TSPAN2: variants seen among roughly 807,000 people sequenced by gnomAD.
The protein encoded by TSPAN2 is tetraspanin 2, also known as tetraspanin-2.
A neutral mutation model predicts 33.3 loss-of-function variants in TSPAN2; 24 were observed. The observed-to-expected ratio is 0.72, with a 90% confidence interval of 0.52 to 1.01. TSPAN2 has a LOEUF of 1.01. Among genes scored for constraint, TSPAN2 ranks in the 50% least tolerant of loss-of-function variants. The probability of loss-of-function intolerance (pLI) is 0.00; values close to 1 mark genes in which losing one functional copy is unlikely to be tolerated. For synonymous variants in TSPAN2, 114 were observed against 104.5 expected (o/e 1.09, Z -0.56); for missense variants, 278 against 281.3 (o/e 0.99, Z 0.08).
intron 1 of TSPAN2, among the ~76,000 whole-genome samples, chr1:115,087,612 T>A: frequency 1.1e-5 from 1 of 90,196 alleles, no homozygotes; most frequent in African/African-American, 5.3e-5. Flanking sequence ...TGAGACTCCG[T>A]CTCAAAAAAA....
intron 6 of TSPAN2, among the ~76,000 whole-genome samples, chr1:115,056,717 G>A (rs768747519): frequency 8.5e-5 from 13 of 152,092 alleles, no homozygotes; most frequent in Admixed American, 1.3e-4. Flanking sequence ...TCACTGGACC[G>A]TATGGACTTC....
rs560201120 is a variant in TSPAN2 at position 115,087,512 on chromosome 1, C to T, written c.69+1852G>A. 2.7e-5 allele frequency among the ~76,000 whole-genome samples: 4 copies of T among 146,984 alleles called. No homozygotes were observed. The East Asian group carries it at 6.4e-4, about 24-fold the overall frequency. Reference sequence around the variant, plus strand: ...GTGCTTGTAGTCCCAGCTATTTGGGCGGCTGAGGCAGGAGAATGGCGTGCA... The same window carrying T: ...GTGCTTGTAGTCCCAGCTATTTGGGTGGCTGAGGCAGGAGAATGGCGTGCA... On this transcript the variant is annotated intron_variant, in intron 1 of 7. Coordinates refer to ENST00000369516, the MANE Select transcript of TSPAN2 (RefSeq NM_005725.6).
At position 115,073,526 on chromosome 1, in the gene TSPAN2, C is replaced by CACCTTGTG. The variant is rs1648274463; in HGVS notation, c.70-520_70-519insCACAAGGT. 8.6e-5 allele frequency among the ~76,000 whole-genome samples: 13 copies of CACCTTGTG among 151,470 alleles called. No homozygotes were observed. The South Asian group carries it at 2.7e-3, about 32-fold the overall frequency. ...CAACCTCAACCTCAGAACCCACCCA[C>CACCTTGTG]ACCTCGTGAGTGCACAGTCCCCAAA... On this transcript the variant is annotated intron_variant, in intron 1 of 7. Transcript: ENST00000369516.
intron 2 of TSPAN2, among the ~76,000 whole-genome samples, chr1:115,066,035 C>CA (rs1647938021): frequency 6.6e-6 from 1 of 152,178 alleles, no homozygotes; most frequent in African/African-American, 2.4e-5. Context: ...TCACTTAACA[C>CA]AATGGCCTCT....
At chr1:115,077,777 G>T (rs1049031442) in intron 1 of TSPAN2, among the ~76,000 whole-genome samples, 14 of 152,160 alleles carry the variant, frequency 9.2e-5, no homozygotes, top group Non-Finnish European at 1.5e-4. Context: ...AAAAAGACAG[G>T]TTTCACAAAT....
In TSPAN2 at chr1:115,048,633, T is replaced by C. The variant is rs1458389220; in HGVS notation, c.*1857A>G. ...TTCTGAGTTGGAAAGAACCCGAGTATGCACTTGGGCCTGTTTCCTGTCTTC... is the reference window on the plus strand; with the variant it reads ...TTCTGAGTTGGAAAGAACCCGAGTACGCACTTGGGCCTGTTTCCTGTCTTC... On this transcript the variant is annotated 3_prime_UTR_variant, in exon 8 of 8. Transcript: ENST00000369516. 1.3e-5 allele frequency: 2 copies of C among 152,094 alleles called. No homozygotes were observed. Among genetic ancestry groups the C allele is most frequent in the Admixed American group, 6.6e-5 (1 of 15,246 alleles). The allele number at this position is 152,094 out of a possible 1,614,324, so 9.4% of individuals were successfully genotyped here. A position where few individuals can be genotyped will look rare whatever the true frequency, so the allele number is the denominator to read the frequency against.
chr1:115,076,526 T>C (rs1648419216), intron 1 of TSPAN2, among the ~76,000 whole-genome samples: 1 of 152,160 alleles, frequency 6.6e-6, no homozygotes, highest in East Asian at 1.9e-4. Flanking sequence ...GGAGTGGACG[T>C]GGAGAGCTGT....
intron 1 of TSPAN2, among the ~76,000 whole-genome samples, chr1:115,076,543 T>A (rs973524261): frequency 6.6e-6 from 1 of 152,146 alleles, no homozygotes; most frequent in Non-Finnish European, 1.5e-5. Flanking sequence ...CTGTGAGAAC[T>A]ACGAACTCAC....
In TSPAN2 at chr1:115,066,571, G is replaced by GCC. The variant is rs1460522383; in HGVS notation, c.173-4340_173-4339insGG. Among the ~76,000 whole-genome samples, 3 of 152,174 alleles carry GCC rather than the reference G, an allele frequency of 2.0e-5. No homozygotes were observed. In the East Asian group the frequency reaches 5.8e-4, roughly 29 times the overall value. On this transcript the variant is annotated intron_variant, in intron 2 of 7. Transcript: ENST00000369516. ...GAGAGAACCTCCTAACGGCCTACTGGGATAAACTCACTTAAAAATGTGGTT... is the reference window on the plus strand; with the variant it reads ...GAGAGAACCTCCTAACGGCCTACTGGCCGATAAACTCACTTAAAAATGTGGTT...
chr1:115,057,709 C>T, intron 5 of TSPAN2, 101 bp from the exon 6 acceptor site: 1 of 1,030,500 alleles, frequency 9.7e-7, no homozygotes, highest in Admixed American at 1.7e-5. Context: ...GGCAAAGCAG[C>T]TCCGAGGCCC....
intron 7 of TSPAN2, among the ~76,000 whole-genome samples, chr1:115,052,018 C>T (rs1675328635): frequency 6.6e-6 from 1 of 152,196 alleles, no homozygotes; most frequent in Admixed American, 6.5e-5. Flanking sequence ...CAGCCTACTG[C>T]CGACACGAGT....
Position 115,057,673 on chromosome 1 carries a change from C to G in TSPAN2, c.445-65G>C, listed in dbSNP as rs975079738. 10 of 1,518,326 alleles carry G rather than the reference C, an allele frequency of 6.6e-6. No individual in the cohort carries two copies. In the African/African-American group the frequency reaches 6.9e-5, roughly 10 times the overall value. The allele number at this position is 1,518,326 out of a possible 1,614,324, so 94.1% of individuals were successfully genotyped here. On this transcript the variant is annotated intron_variant, in intron 5 of 7. Transcript: ENST00000369516. ...GAGTAGCAGCTACAAGTCTGGGCAC[C>G]CTGCTAAGGACTGGGGTGCCGAGGC... is the stretch of plus-strand genomic sequence containing the variant.
intron 7 of TSPAN2, among the ~76,000 whole-genome samples, 167 bp downstream of exon 7, chr1:115,053,212 A>C (rs1275650157): frequency 4.6e-5 from 7 of 152,248 alleles, no homozygotes. Flanking sequence ...CAAACTATTA[A>C]TATATTTATG....
chr1:115,062,106 C>T, intron 3 of TSPAN2, 29 bp downstream of exon 3: 5 of 1,506,518 alleles, frequency 3.3e-6, no homozygotes, highest in Non-Finnish European at 4.5e-6. Flanking sequence ...TCACCCCCAC[C>T]CCACCATTTA....
intron 2 of TSPAN2, among the ~76,000 whole-genome samples, chr1:115,065,130 C>A (rs528446147): frequency 1.3e-5 from 2 of 152,166 alleles, no homozygotes; most frequent in South Asian, 4.1e-4. Flanking sequence ...CGTGACTCAG[C>A]CCAGCTCCAA....
chr1:115,057,476 T>C (rs962925307), intron 6 of TSPAN2, 61 bp downstream of exon 6: 1 of 1,511,178 alleles, frequency 6.6e-7, no homozygotes, highest in Non-Finnish European at 9.2e-7. Context: ...CTACCTTCAA[T>C]GGCTTCCTAA....
In TSPAN2 at chr1:115,089,491, G is replaced by A. The variant is rs1384439608; in HGVS notation, c.-59C>T. On this transcript the variant is annotated 5_prime_UTR_variant, in exon 1 of 8. Coordinates refer to ENST00000369516, the MANE Select transcript of TSPAN2 (RefSeq NM_005725.6). ...GGCCCGCGCTACGAGCGCGGGGAGC[G>A]GCAGGCTCCGGCGGGGAGGGGGCGG... The A allele has an allele frequency of 1.5e-5, 20 of 1,299,104 alleles. No homozygotes were observed. Among genetic ancestry groups the A allele is most frequent in the East Asian group, 3.1e-5 (1 of 31,990 alleles). 80.5% of individuals were successfully genotyped at this position (1,299,104 alleles called of 1,614,324 possible).
chr1:115,050,417 A>G lies in TSPAN2; in HGVS notation c.*73T>C. ...ATCCTAATGTCATTTCAGTGTTAAAAATGAGCTGGGAGACAGCTCCTGTGA... is the reference window on the plus strand; with the variant it reads ...ATCCTAATGTCATTTCAGTGTTAAAGATGAGCTGGGAGACAGCTCCTGTGA... On this transcript the variant is annotated 3_prime_UTR_variant, in exon 8 of 8. Coordinates refer to ENST00000369516, the MANE Select transcript of TSPAN2 (RefSeq NM_005725.6). 7.5e-7 allele frequency: 1 copy of G among 1,328,074 alleles called. No homozygotes were observed. The allele number at this position is 1,328,074 out of a possible 1,614,324, so 82.3% of individuals were successfully genotyped here.
At chr1:115,073,209 T>C (rs1648255158) in intron 1 of TSPAN2, among the ~76,000 whole-genome samples, 2 of 152,140 alleles carry the variant, frequency 1.3e-5, no homozygotes, top group Admixed American at 6.5e-5. Flanking sequence ...TGATGTGACA[T>C]TGGACTGGGT....
Sources: gnomAD v4.1 joint callset for allele counts (sites outside exome capture counted in the v4.1 genomes callset) on GRCh38, gnomAD v4.1.1 for gene constraint, MANE v1.5 for transcripts, NCBI Gene and HGNC (gene_info 2026-07-23, HGNC 2026-07-21) for gene names.